Variants in ZBTB20 observed in about 807,000 individuals in gnomAD.
ZBTB20 encodes zinc finger and BTB domain-containing protein 20.
ZBTB20 carries 9 observed loss-of-function variants against 56.9 expected under a neutral mutation model. The ratio of observed to expected loss-of-function variants is 0.16; its 90% CI spans 0.10 to 0.28. ZBTB20 has a LOEUF of 0.28. Ranked by LOEUF, ZBTB20 falls within the 10% of genes least tolerant of loss-of-function variation. The pLI, the probability that ZBTB20 is intolerant of heterozygous loss-of-function variation, is 1.00. For missense variants in ZBTB20, 655 were observed against 1,003.0 expected (o/e 0.65, Z 4.69); for synonymous variants, 417 against 420.7 (o/e 0.99, Z 0.11).
chr3:114,597,759 T>C (rs995579794), intron 6 of ZBTB20, among the ~76,000 whole-genome samples: 1 of 152,196 alleles, frequency 6.6e-6, no homozygotes, highest in South Asian at 2.1e-4. Flanking sequence ...GCTCTCTCTG[T>C]TTTGGATACA....
intron 2 of ZBTB20, among the ~76,000 whole-genome samples, chr3:115,030,524 A>G (rs192838899): frequency 2.0e-5 from 3 of 151,330 alleles, no homozygotes; most frequent in East Asian, 3.9e-4. Flanking sequence ...ATTCGAAAAT[A>G]TTGGTTTGAA....
At chr3:114,810,578 C>T (rs776425045) in intron 4 of ZBTB20, among the ~76,000 whole-genome samples, 1 of 152,190 alleles carries the variant, frequency 6.6e-6, no homozygotes, top group Non-Finnish European at 1.5e-5. Context: ...GGCTAAAACA[C>T]TGTGGGCTCC....
intron 7 of ZBTB20, among the ~76,000 whole-genome samples, chr3:114,496,190 T>C (rs146556452): frequency 4.1e-4 from 62 of 152,334 alleles, no homozygotes; most frequent in African/African-American, 1.4e-3. Context: ...ATCTGACCTC[T>C]TGAATTTAGT....
At chr3:114,935,935 A>C (rs2107826592) in intron 3 of ZBTB20, among the ~76,000 whole-genome samples, 1 of 152,322 alleles carries the variant, frequency 6.6e-6, no homozygotes, top group Admixed American at 6.5e-5. Flanking sequence ...CATAATGAGC[A>C]TCTATCCATC....
At chr3:114,779,954 C>T (rs981957291) in intron 5 of ZBTB20, among the ~76,000 whole-genome samples, 1 of 152,302 alleles carries the variant, frequency 6.6e-6, no homozygotes, top group South Asian at 2.1e-4. Context: ...CCCCTCTACA[C>T]AGGCAAATTA....
At chr3:114,680,634 T>A (rs2061916090) in intron 6 of ZBTB20, among the ~76,000 whole-genome samples, 1 of 152,254 alleles carries the variant, frequency 6.6e-6, no homozygotes, top group Non-Finnish European at 1.5e-5. Flanking sequence ...AGTAATCTTG[T>A]ACGCTCATTG....
At chr3:114,919,613 G>C (rs1182340348) in intron 3 of ZBTB20, among the ~76,000 whole-genome samples, 1 of 151,824 alleles carries the variant, frequency 6.6e-6, no homozygotes, top group African/African-American at 2.4e-5. Flanking sequence ...GCTGAGGCAG[G>C]AGAATCACTT....
Position 114,351,055 on chromosome 3 carries a change from C to T in ZBTB20, c.1023G>A (p.Gly341=), listed in dbSNP as rs1272150765. The change falls in exon 11 of 12, where the codon GGG becomes GGA. Residue 341 remains glycine (G), a synonymous_variant. Transcript: ENST00000675478. ...QEMEDDYDYY[G]QQRVQILERN... is the part of the protein sequence containing the mutation. ...GTTCCAGGATCTGCACCCTTTGCTG[C>T]CCGTAGTAGTCGTAATCGTCCTCCA... 1 of 1,611,922 alleles carries T rather than the reference C, an allele frequency of 6.2e-7. No homozygotes were observed. Among genetic ancestry groups the T allele is most frequent in the East Asian group, 2.2e-5 (1 of 44,728 alleles).
intron 5 of ZBTB20, among the ~76,000 whole-genome samples, chr3:114,753,996 T>G (rs2067808515): frequency 6.6e-6 from 1 of 152,184 alleles, no homozygotes; most frequent in Non-Finnish European, 1.5e-5. Flanking sequence ...CCAATGAAAC[T>G]GCAAGCTCTT....
rs1197391255 is a variant in ZBTB20, at chr3:114,389,072, G to C, written c.-221C>G. The C allele has an allele frequency of 6.6e-6, 1 of 152,198 alleles. No homozygotes were observed. The highest frequency in any genetic ancestry group is 1.5e-5 in the Non-Finnish European group (1 of 68,032). 9.4% of individuals were successfully genotyped at this position (152,198 alleles called of 1,614,324 possible). A position where few individuals can be genotyped will look rare whatever the true frequency, so the allele number is the denominator to read the frequency against. On this transcript the variant is annotated 5_prime_UTR_variant, in exon 8 of 12. Transcript: ENST00000675478. ...TCCAAGGCTTGGGCCTAGTGCAGAT[G>C]TTCATTGGGGCAGGGAGCAGAGAGC...
At chr3:114,546,744 G>T (rs928823024) in intron 6 of ZBTB20, among the ~76,000 whole-genome samples, 1 of 151,868 alleles carries the variant, frequency 6.6e-6, no homozygotes, top group Non-Finnish European at 1.5e-5. Flanking sequence ...GGGAATGAGG[G>T]AAAAACAAAA....
At chr3:114,486,775 A>G (rs970713091) in intron 7 of ZBTB20, among the ~76,000 whole-genome samples, 2 of 152,202 alleles carry the variant, frequency 1.3e-5, no homozygotes, top group Non-Finnish European at 2.9e-5. Context: ...TGTATCAAAA[A>G]GCCTAGAAAT....
intron 4 of ZBTB20, among the ~76,000 whole-genome samples, chr3:114,828,687 G>A (rs1261242419): frequency 6.6e-6 from 1 of 151,788 alleles, no homozygotes; most frequent in Non-Finnish European, 1.5e-5. Flanking sequence ...CCATTATGCA[G>A]GGTGATGTTC....
At chr3:114,496,064 C>T (rs2043251658) in intron 7 of ZBTB20, among the ~76,000 whole-genome samples, 1 of 151,924 alleles carries the variant, frequency 6.6e-6, no homozygotes, top group African/African-American at 2.4e-5. Context: ...GATCTTATAA[C>T]CATCACAAAA....
At chr3:114,752,481 C>T (rs1380743956) in intron 5 of ZBTB20, among the ~76,000 whole-genome samples, 1 of 152,126 alleles carries the variant, frequency 6.6e-6, no homozygotes, top group Non-Finnish European at 1.5e-5. Context: ...AACCTTAGGA[C>T]ATAATACATG....
At chr3:114,647,706 G>T (rs910722644) in intron 6 of ZBTB20, among the ~76,000 whole-genome samples, 1 of 152,030 alleles carries the variant, frequency 6.6e-6, no homozygotes, top group Admixed American at 6.6e-5. Context: ...CAATGTGTAA[G>T]TACTCAGTAA....
intron 3 of ZBTB20, among the ~76,000 whole-genome samples, chr3:114,971,859 A>G (rs1164718619): frequency 6.6e-6 from 1 of 152,196 alleles, no homozygotes; most frequent in Admixed American, 6.5e-5. Flanking sequence ...TGGGGCAGCA[A>G]TGTTGGAGGC....
At chr3:114,663,623 T>G (rs1363644451) in intron 6 of ZBTB20, among the ~76,000 whole-genome samples, 1 of 151,606 alleles carries the variant, frequency 6.6e-6, no homozygotes, top group African/African-American at 2.4e-5. Context: ...GACCCATCAG[T>G]GTGCTATATT....
At chr3:114,819,251 G>A (rs1260204966) in intron 4 of ZBTB20, among the ~76,000 whole-genome samples, 1 of 151,786 alleles carries the variant, frequency 6.6e-6, no homozygotes, top group East Asian at 1.9e-4. Flanking sequence ...CTTCTGAATG[G>A]GAAGACTGAA....
Sources: allele counts gnomAD v4.1 joint callset (sites outside exome capture counted in the v4.1 genomes callset), GRCh38; gene constraint gnomAD v4.1.1; transcripts MANE v1.5; gene names NCBI Gene and HGNC (gene_info 2026-07-23, HGNC 2026-07-21).